The following WWC2 variants were observed in gnomAD, a reference collection of about 807,000 sequenced individuals.
WWC2 encodes WW and C2 domain containing 2.
In WWC2, 101 loss-of-function variants were observed where a neutral mutation model predicts 138.5. The ratio of observed to expected loss-of-function variants is 0.73; its 90% CI spans 0.62 to 0.86. WWC2 has a LOEUF of 0.86. WWC2 is among the 40% of genes least tolerant of loss of function. WWC2 has a pLI of 0.00. For synonymous variants in WWC2, 558 were observed against 538.4 expected (o/e 1.04, Z -0.50); for missense variants, 1,420 against 1,419.4 (o/e 1.00, Z -0.01).
intron 1 of WWC2, among the ~76,000 whole-genome samples, chr4:183,163,842 G>A (rs1277590164): frequency 6.6e-6 from 1 of 152,114 alleles, no homozygotes; most frequent in African/African-American, 2.4e-5. Flanking sequence ...GCCTCAAATT[G>A]TATAACATAA....
intron 16 of WWC2, among the ~76,000 whole-genome samples, chr4:183,279,144 T>C (rs1308054796): frequency 6.6e-6 from 1 of 151,958 alleles, no homozygotes; most frequent in African/African-American, 2.4e-5. Context: ...TTTTGAAATA[T>C]GTCCCATCAG....
intron 1 of WWC2, among the ~76,000 whole-genome samples, chr4:183,117,947 C>T (rs545545682): frequency 2.6e-5 from 4 of 151,464 alleles, no homozygotes; most frequent in South Asian, 2.1e-4. Flanking sequence ...ACTATAGGCT[C>T]GTGCCACCAT....
At chr4:183,219,360 G>A (rs1189491794) in intron 4 of WWC2, among the ~76,000 whole-genome samples, 1 of 151,988 alleles carries the variant, frequency 6.6e-6, no homozygotes, top group African/African-American at 2.4e-5. Flanking sequence ...TAATTTTTCA[G>A]ACAAACAAGA....
At chr4:183,109,770 T>A (rs1419545171) in intron 1 of WWC2, among the ~76,000 whole-genome samples, 1 of 152,198 alleles carries the variant, frequency 6.6e-6, no homozygotes. Flanking sequence ...CACAAGGGAT[T>A]TGGACTCTAG....
chr4:183,320,064 T>C lies in WWC2; in HGVS notation c.*4335T>C. On this transcript the variant is annotated 3_prime_UTR_variant, in exon 23 of 23. Transcript: ENST00000403733. ...CACTTCCTCTTGGATGACACAGGTT[T>C]GCCAGAGTCCCATGGTCCAGTTTTC... 6.2e-7 allele frequency: 1 copy of C among 1,614,142 alleles called. No individual in the cohort carries two copies. Among genetic ancestry groups the C allele is most frequent in the South Asian group, 1.1e-5 (1 of 91,072 alleles).
Position 183,289,576 on chromosome 4 carries a change from C to G in WWC2, c.3325C>G (p.Pro1109Ala), listed in dbSNP as rs760769977. ...ELKAQGETDL[P>A]PGVLEDERFQ... Reference sequence around the variant, plus strand: ...GAAAGCTCAGGGAGAGACTGACCTTCCACCAGGCGTGCTGGAGGATGAGAG... The same window carrying G: ...GAAAGCTCAGGGAGAGACTGACCTTGCACCAGGCGTGCTGGAGGATGAGAG... Residue 1109 changes from proline to alanine, a missense_variant, in exon 21 of 23, where the codon CCA (proline) becomes GCA (alanine). Transcript: ENST00000403733. 32 of 1,613,776 alleles carry G rather than the reference C, an allele frequency of 2.0e-5. No homozygotes were observed. The highest frequency in any genetic ancestry group is 2.7e-5 in the African/African-American group (2 of 74,890).
At chr4:183,270,401 G>A (rs973622942) in intron 15 of WWC2, among the ~76,000 whole-genome samples, 1 of 152,054 alleles carries the variant, frequency 6.6e-6, no homozygotes, top group African/African-American at 2.4e-5. Context: ...AACCAAAGTG[G>A]AGTTTTTATT....
At chr4:183,166,267 A>G (rs1734126099) in intron 1 of WWC2, among the ~76,000 whole-genome samples, 1 of 151,674 alleles carries the variant, frequency 6.6e-6, no homozygotes, top group African/African-American at 2.4e-5. Flanking sequence ...CATTTGGGGT[A>G]TTTGTCTGCT....
intron 1 of WWC2, among the ~76,000 whole-genome samples, chr4:183,155,184 TCTG>T (rs1733763769): frequency 4.2e-5 from 5 of 119,890 alleles, no homozygotes; most frequent in Non-Finnish European, 6.5e-5. Flanking sequence ...GACTTCATCT[TCTG>T]AGGAGAGAGA....
chr4:183,140,680 G>C (rs939701796), intron 1 of WWC2, among the ~76,000 whole-genome samples: 1 of 152,104 alleles, frequency 6.6e-6, no homozygotes, highest in Non-Finnish European at 1.5e-5. Flanking sequence ...CAGAATTACA[G>C]TTTTACTGCT....
intron 1 of WWC2, among the ~76,000 whole-genome samples, chr4:183,171,770 G>T (rs1482924942): frequency 6.6e-6 from 1 of 152,094 alleles, no homozygotes; most frequent in African/African-American, 2.4e-5. Flanking sequence ...TTTGGTATTT[G>T]CCGCTGTGTT....
intron 1 of WWC2, among the ~76,000 whole-genome samples, chr4:183,173,043 C>G (rs1734339534): frequency 6.6e-6 from 1 of 151,886 alleles, no homozygotes; most frequent in Admixed American, 6.6e-5. Flanking sequence ...CTTCTCTCCC[C>G]TCTCCTCCCC....
At chr4:183,279,727 T>A (rs933335853) in intron 16 of WWC2, among the ~76,000 whole-genome samples, 2 of 152,110 alleles carry the variant, frequency 1.3e-5, no homozygotes, top group African/African-American at 2.4e-5. Context: ...GTCGAGGAAT[T>A]TATCCATTTC....
intron 22 of WWC2, among the ~76,000 whole-genome samples, chr4:183,312,718 C>T (rs1267104509): frequency 1.3e-5 from 2 of 152,226 alleles, no homozygotes; most frequent in Non-Finnish European, 2.9e-5. Flanking sequence ...GTTAGCACAT[C>T]TCACTGGGCT....
chr4:183,168,078 C>CA (rs1475315124), intron 1 of WWC2, among the ~76,000 whole-genome samples: 14 of 151,860 alleles, frequency 9.2e-5, no homozygotes, highest in South Asian at 4.2e-4. Context: ...GGATGGTCTC[C>CA]ATCTCCTGAC....
chr4:183,099,455 C>G lies in WWC2; in HGVS notation c.-37C>G. 8.0e-7 allele frequency: 1 copy of G among 1,249,194 alleles called. No individual in the cohort carries two copies. The highest frequency in any genetic ancestry group is 1.0e-6 in the Non-Finnish European group (1 of 989,172). 77.4% of individuals were successfully genotyped at this position (1,249,194 alleles called of 1,614,324 possible). Reference sequence around the variant, plus strand: ...TTCCCGCCGCGTCCCGCGCCCGGTACCTATGGAGGCGCCGCTCGCCGGCGA... The same window carrying G: ...TTCCCGCCGCGTCCCGCGCCCGGTAGCTATGGAGGCGCCGCTCGCCGGCGA... On this transcript the variant is annotated 5_prime_UTR_variant, in exon 1 of 23. Coordinates refer to ENST00000403733, the MANE Select transcript of WWC2 (RefSeq NM_024949.6).
chr4:183,137,879 A>G (rs1733173304), intron 1 of WWC2, among the ~76,000 whole-genome samples: 1 of 152,112 alleles, frequency 6.6e-6, no homozygotes, highest in Non-Finnish European at 1.5e-5. Context: ...GATAACGCAG[A>G]CTTGTTTCTT....
At chr4:183,099,783 C>A (rs889335279) in intron 1 of WWC2, among the ~76,000 whole-genome samples, 161 bp downstream of exon 1, 2 of 151,864 alleles carry the variant, frequency 1.3e-5, no homozygotes, top group African/African-American at 2.4e-5. Flanking sequence ...AGGAGCCGCC[C>A]GTACCCGGGC....
chr4:183,110,161 G>A (rs1023089702), intron 1 of WWC2, among the ~76,000 whole-genome samples: 1 of 152,156 alleles, frequency 6.6e-6, no homozygotes, highest in African/African-American at 2.4e-5. Context: ...GATACCAGGC[G>A]CTGCTATATA....
Sources: allele counts gnomAD v4.1 joint callset (sites outside exome capture counted in the v4.1 genomes callset), GRCh38; gene constraint gnomAD v4.1.1; transcripts MANE v1.5; gene names NCBI Gene and HGNC (gene_info 2026-07-23, HGNC 2026-07-21).